The following FKBP11 variants were observed in gnomAD, a reference collection of about 807,000 sequenced individuals.
The protein encoded by FKBP11 is peptidyl-prolyl cis-trans isomerase FKBP11.
FKBP11 carries 21 observed loss-of-function variants against 24.7 expected under a neutral mutation model. That is an observed-to-expected ratio of 0.85 (90% CI 0.60 to 1.23). FKBP11 has a LOEUF of 1.23. Among genes scored for constraint, FKBP11 ranks in the 50% most tolerant of loss-of-function variants. The pLI, the probability that FKBP11 is intolerant of heterozygous loss-of-function variation, is 0.00. For missense variants in FKBP11, 245 were observed against 248.7 expected (o/e 0.99, Z 0.10); for synonymous variants, 106 against 100.6 (o/e 1.05, Z -0.32).
At position 48,924,552 on chromosome 12, in the gene FKBP11, G is replaced by T. The variant is rs368268348; in HGVS notation, c.283+9C>A. Reference sequence around the variant, plus strand: ...GGAAGAGGTGGAATGGGAGGCACAGGTCACATACCTGGAATCACCTGCTTT... The same window carrying T: ...GGAAGAGGTGGAATGGGAGGCACAGTTCACATACCTGGAATCACCTGCTTT... On this transcript the variant is annotated intron_variant, in intron 3 of 5. Coordinates refer to ENST00000550765, the MANE Select transcript of FKBP11 (RefSeq NM_016594.3). 6.2e-7 allele frequency: 1 copy of T among 1,612,474 alleles called. No individual in the cohort carries two copies. The highest frequency in any genetic ancestry group is 2.2e-5 in the East Asian group (1 of 44,850).
chr12:48,930,808 G>A (rs1291232475), upstream of FKBP11, among the ~76,000 whole-genome samples: 1 of 152,178 alleles, frequency 6.6e-6, no homozygotes, highest in Non-Finnish European at 1.5e-5. Context: ...CCAGAGACTA[G>A]AGAGAGGTGG....
At chr12:48,933,507 G>T in the FKBP11 span, among the ~76,000 whole-genome samples, 3 of 152,140 alleles carry the variant, frequency 2.0e-5, no homozygotes, top group Non-Finnish European at 4.4e-5. Context: ...TTCAAGACCA[G>T]CCTGGCCAAC....
At chr12:48,935,975 G>A in the FKBP11 span, 1 of 152,236 alleles carries the variant, frequency 6.6e-6, no homozygotes. Flanking sequence ...CTCACACTCT[G>A]ATGCCCAATT....
the FKBP11 span, among the ~76,000 whole-genome samples, chr12:48,934,222 C>T: frequency 6.6e-6 from 1 of 152,214 alleles, no homozygotes; most frequent in Non-Finnish European, 1.5e-5. Flanking sequence ...TACATTCATT[C>T]TCTGCCACTG....
chr12:48,922,559 C>A (rs1939860247), intron 5 of FKBP11: 3 of 1,011,436 alleles, frequency 3.0e-6, no homozygotes, highest in Admixed American at 5.5e-5. Flanking sequence ...CGGATAGAGT[C>A]TTTGCAGGGC....
chr12:48,929,352 G>GT (rs1940020095), upstream of FKBP11, among the ~76,000 whole-genome samples: 2 of 152,072 alleles, frequency 1.3e-5, no homozygotes, highest in Admixed American at 6.5e-5. Context: ...GGAGGCTAAG[G>GT]TGGGAGGATC....
At chr12:48,931,267 G>C (rs924748620), upstream of FKBP11, 2 of 632,198 alleles carry the variant, frequency 3.2e-6, no homozygotes, top group Admixed American at 2.9e-5. Context: ...CAGCAGACTC[G>C]AACAGTGTGG....
At chr12:48,928,818 C>CTTTTTTTTTTTTTTT (rs1196484675), upstream of FKBP11, among the ~76,000 whole-genome samples, 7 of 94,248 alleles carry the variant, frequency 7.4e-5, no homozygotes, top group African/African-American at 2.3e-4. Flanking sequence ...AAACTTCTAT[C>CTTTTTTTTTTTTTTT]TTTTTTTTTT....
chr12:48,932,485 T>A, the FKBP11 span, among the ~76,000 whole-genome samples: 1 of 151,188 alleles, frequency 6.6e-6, no homozygotes, highest in Non-Finnish European at 1.5e-5. Flanking sequence ...TTTATGCATA[T>A]ATTCATCCAA....
the FKBP11 span, among the ~76,000 whole-genome samples, chr12:48,935,071 T>C: frequency 6.8e-6 from 1 of 146,484 alleles, no homozygotes; most frequent in East Asian, 2.0e-4. Context: ...TTGGGAAAGA[T>C]ACTCTTATCA....
At chr12:48,924,343 C>A (rs1939904197) in intron 3 of FKBP11, 87 bp from the exon 4 acceptor site, 3 of 1,508,606 alleles carry the variant, frequency 2.0e-6, no homozygotes, top group Admixed American at 1.7e-5. Flanking sequence ...CTCCTCCATC[C>A]TCAATTGACC....
chr12:48,931,048 G>A (rs545234199), upstream of FKBP11, among the ~76,000 whole-genome samples: 36 of 143,538 alleles, frequency 2.5e-4, no homozygotes, highest in East Asian at 6.2e-3. Flanking sequence ...AGAATGGCGT[G>A]AACCCAGGAG....
the FKBP11 span, chr12:48,936,251 G>A: frequency 2.6e-5 from 4 of 152,634 alleles, no homozygotes; most frequent in Admixed American, 1.3e-4. Flanking sequence ...CACAGTCATC[G>A]CGTTATCCCA....
At chr12:48,928,818 CTTTTTTTTTT>C (rs1196484675), upstream of FKBP11, among the ~76,000 whole-genome samples, 56 of 94,232 alleles carry the variant, frequency 5.9e-4, no homozygotes, top group Non-Finnish European at 9.3e-4. Context: ...AAACTTCTAT[CTTTTTTTTTT>C]TTTTTTTTTT....
chr12:48,928,818 C>CTTTTT (rs1196484675), upstream of FKBP11, among the ~76,000 whole-genome samples: 45 of 94,242 alleles, frequency 4.8e-4, 1 homozygote, highest in Non-Finnish European at 6.9e-4. Flanking sequence ...AAACTTCTAT[C>CTTTTT]TTTTTTTTTT....
chr12:48,928,705 C>CT (rs754633295), upstream of FKBP11, among the ~76,000 whole-genome samples: 1 of 152,134 alleles, frequency 6.6e-6, no homozygotes, highest in Admixed American at 6.6e-5. Flanking sequence ...TGTTGAACTC[C>CT]TGACCTCAAG....
chr12:48,932,410 G>T, the FKBP11 span, among the ~76,000 whole-genome samples: 1 of 148,936 alleles, frequency 6.7e-6, no homozygotes, highest in Non-Finnish European at 1.5e-5. Flanking sequence ...ACCATGCCTG[G>T]CCTGGTGTTG....
intron 5 of FKBP11, chr12:48,923,043 G>A: frequency 1.3e-6 from 1 of 766,380 alleles, no homozygotes; most frequent in South Asian, 1.6e-5. Context: ...AGCTACTCGG[G>A]AGGCTGAGAC....
In FKBP11 at chr12:48,923,806, G is replaced by A. The variant is rs117472187; in HGVS notation, c.364C>T (p.Arg122Trp). ...IIPSHLAYGK[R>W]GFPPSVPADA... ...CCTGGGACAGATGGTGGAAATCCCC[G>A]TTTTCCATAGGCCAAGTGAGAAGGA... Residue 122 changes from arginine to tryptophan, a missense_variant, in exon 5 of 6, where the codon CGG becomes TGG. Physicochemically the swap from Arg to Trp is moderately radical, Grantham distance 101. Transcript: ENST00000550765. 462 of 1,614,080 alleles carry A rather than the reference G, an allele frequency of 2.9e-4. No homozygotes were observed. Among genetic ancestry groups the A allele is most frequent in the Non-Finnish European group, 3.1e-4 (361 of 1,180,000 alleles).
Sources: gnomAD v4.1 joint callset for allele counts (sites outside exome capture counted in the v4.1 genomes callset) on GRCh38, gnomAD v4.1.1 for gene constraint, MANE v1.5 for transcripts, NCBI Gene and HGNC (gene_info 2026-07-23, HGNC 2026-07-21) for gene names.